The following FSTL5 variants were observed in gnomAD, a reference collection of about 807,000 sequenced individuals.
FSTL5 encodes the protein follistatin like 5.
Under a neutral mutation model 89.1 loss-of-function variants are expected in FSTL5, and 62 were observed. The observed-to-expected ratio is 0.70, with a 90% CI of 0.57 to 0.86. The LOEUF is 0.86. Among genes scored for constraint, FSTL5 ranks in the 40% least tolerant of loss-of-function variants. The pLI is 0.00. For synonymous variants in FSTL5, 383 were observed against 346.2 expected, an observed-to-expected ratio of 1.11 and a Z score of -1.18; for missense variants, 1,057 against 1,001.6, an observed-to-expected ratio of 1.06 and a Z score of -0.75.
chr4:161,541,538 T>A (rs924437695), intron 9 of FSTL5, among the ~76,000 whole-genome samples: 3 of 152,184 alleles, frequency 2.0e-5, no homozygotes, highest in Non-Finnish European at 4.4e-5. Context: ...CATTAGTGAT[T>A]TCTAGGATTA....
At chr4:161,711,135 T>C (rs1485285916) in intron 6 of FSTL5, among the ~76,000 whole-genome samples, 3 of 144,912 alleles carry the variant, frequency 2.1e-5, no homozygotes, top group African/African-American at 7.3e-5. Context: ...TGCCTAAAGG[T>C]CCTGGGGGAC....
At position 161,575,136 on chromosome 4, in the gene FSTL5, T is replaced by C. The variant is rs564610709; in HGVS notation, c.1015+12319A>G. Among the ~76,000 whole-genome samples the C allele has an allele frequency of 4.6e-5, 7 of 152,350 alleles. No individual in the cohort carries two copies. In the South Asian group the frequency reaches 1.4e-3, roughly 32 times the overall value. On this transcript the variant is annotated intron_variant, in intron 8 of 15. Transcript: ENST00000306100. ...TTTTTTCAAAGGTTTTTTGGCCACA[T>C]AAATGCCTTCTTTTGTGAGGTGTCT... is the stretch of plus-strand genomic sequence containing the variant.
chr4:161,692,395 G>A (rs1192694784), intron 6 of FSTL5, among the ~76,000 whole-genome samples: 4 of 150,728 alleles, frequency 2.7e-5, no homozygotes, highest in African/African-American at 9.8e-5. Context: ...CTAGTGTAAT[G>A]TATGACATTG....
chr4:161,491,627 G>A (rs562126195), intron 12 of FSTL5, among the ~76,000 whole-genome samples: 1 of 152,108 alleles, frequency 6.6e-6, no homozygotes, highest in East Asian at 1.9e-4. Flanking sequence ...AATCACCTGA[G>A]GTCAGGAGTT....
intron 3 of FSTL5, among the ~76,000 whole-genome samples, chr4:161,967,689 T>C (rs894532191): frequency 6.6e-6 from 1 of 152,014 alleles, no homozygotes. Context: ...TTTGGAGTGA[T>C]AGTTTCTGTA....
intron 4 of FSTL5, among the ~76,000 whole-genome samples, chr4:161,912,710 G>A (rs1402083439): frequency 6.6e-6 from 1 of 152,146 alleles, no homozygotes; most frequent in Non-Finnish European, 1.5e-5. Flanking sequence ...ACCAGAAAAT[G>A]TGGAAATGAC....
chr4:162,028,642 A>G (rs1169555389), intron 3 of FSTL5, among the ~76,000 whole-genome samples: 1 of 152,198 alleles, frequency 6.6e-6, no homozygotes, highest in Non-Finnish European at 1.5e-5. Context: ...TATGCATTTC[A>G]TGAAATTGTA....
rs536775080 is a variant in FSTL5, at chr4:161,861,684, C to T, written c.409+58720G>A. On this transcript the variant is annotated intron_variant, in intron 4 of 15. Transcript: ENST00000306100. The stretch of plus-strand genomic sequence containing the variant: ...CCCTTTTAGACTCTTGCTAGAGAAG[C>T]AGCTAAAGAATTTACTGGGCAGGAT... 6.6e-5 allele frequency among the ~76,000 whole-genome samples: 10 copies of T among 152,274 alleles called. No individual in the cohort carries two copies. In the South Asian group the frequency reaches 1.9e-3, roughly 28 times the overall value.
chr4:161,860,234 G>C (rs146719215), intron 4 of FSTL5, among the ~76,000 whole-genome samples: 4,818 of 152,208 alleles, frequency 0.032, 120 homozygotes, highest in Admixed American at 0.039. Flanking sequence ...CTTGCAGTGA[G>C]AGGAGATCGC....
intron 4 of FSTL5, among the ~76,000 whole-genome samples, chr4:161,902,859 C>A (rs1054314660): frequency 5.3e-5 from 8 of 151,974 alleles, no homozygotes; most frequent in African/African-American, 1.9e-4. Flanking sequence ...AAAATAATAA[C>A]AATAATAATA....
intron 4 of FSTL5, among the ~76,000 whole-genome samples, chr4:161,792,413 G>A (rs549742886): frequency 1.3e-4 from 20 of 152,232 alleles, no homozygotes; most frequent in Admixed American, 2.0e-4. Flanking sequence ...GCTTCTGGGT[G>A]GAAAGAAGCT....
chr4:162,149,558 C>T (rs940811438), intron 1 of FSTL5, among the ~76,000 whole-genome samples: 1 of 151,886 alleles, frequency 6.6e-6, no homozygotes, highest in African/African-American at 2.4e-5. Context: ...CATCATCCCC[C>T]ACAAAGATCG....
intron 5 of FSTL5, among the ~76,000 whole-genome samples, chr4:161,766,189 A>G (rs1476802574): frequency 6.6e-6 from 1 of 152,190 alleles, no homozygotes; most frequent in Non-Finnish European, 1.5e-5. Flanking sequence ...CTGCTTATCT[A>G]AATTCAGAAT....
rs759176436 is a variant in FSTL5, at chr4:161,536,484, G to C, written c.1312+1682C>G. 6.6e-5 allele frequency among the ~76,000 whole-genome samples: 10 copies of C among 152,154 alleles called. 1 individual carries two copies. The East Asian group carries it at 1.7e-3, about 26-fold the overall frequency. On this transcript the variant is annotated intron_variant, in intron 10 of 15. Coordinates refer to ENST00000306100, the MANE Select transcript of FSTL5 (RefSeq NM_020116.5). ...ATTTAACTATTAGGAGGCATCCCAA[G>C]GGAAACTATCTTCTATCAAGTAGAC...
chr4:161,747,022 G>C (rs1196565139), intron 6 of FSTL5, among the ~76,000 whole-genome samples: 1 of 152,144 alleles, frequency 6.6e-6, no homozygotes, highest in Non-Finnish European at 1.5e-5. Flanking sequence ...ATCCCTGTGG[G>C]TGGTCTTTTT....
intron 5 of FSTL5, among the ~76,000 whole-genome samples, chr4:161,770,207 A>C (rs574223816): frequency 6.6e-5 from 10 of 152,152 alleles, no homozygotes; most frequent in Admixed American, 5.9e-4. Flanking sequence ...GGTGATTACC[A>C]CAGGTTGGGA....
chr4:161,662,042 A>T (rs1191167794), intron 6 of FSTL5, among the ~76,000 whole-genome samples: 1 of 152,170 alleles, frequency 6.6e-6, no homozygotes, highest in Non-Finnish European at 1.5e-5. Flanking sequence ...GATAACAGCA[A>T]TACTTAGATG....
intron 2 of FSTL5, among the ~76,000 whole-genome samples, chr4:162,079,143 C>G (rs1206080343): frequency 6.6e-6 from 1 of 151,736 alleles, no homozygotes; most frequent in East Asian, 1.9e-4. Context: ...TATTAATCTA[C>G]TTTTCTCCTA....
At chr4:161,427,168 T>C (rs1732193519) in intron 15 of FSTL5, among the ~76,000 whole-genome samples, 1 of 152,216 alleles carries the variant, frequency 6.6e-6, no homozygotes, top group Non-Finnish European at 1.5e-5. Context: ...CTCTCCCTTT[T>C]TATTCTTACT....
Sources: gnomAD v4.1 joint callset for allele counts (sites outside exome capture counted in the v4.1 genomes callset) on GRCh38, gnomAD v4.1.1 for gene constraint, MANE v1.5 for transcripts, NCBI Gene and HGNC (gene_info 2026-07-23, HGNC 2026-07-21) for gene names.